GLIS3: variants seen among roughly 807,000 people sequenced by gnomAD.
GLIS3 encodes the protein GLIS family zinc finger 3.
Under a neutral mutation model 78.6 loss-of-function variants are expected in GLIS3, and 53 were observed. The observed-to-expected ratio is 0.67, with a 90% CI of 0.54 to 0.85. The LOEUF (loss-of-function observed/expected upper bound fraction) is 0.85. GLIS3 is among the 40% of genes least tolerant of loss of function. The pLI is 0.00. For missense variants in GLIS3, 1,703 were observed against 1,231.1 expected, an observed-to-expected ratio of 1.38 and a Z score of -5.74; for synonymous variants, 684 against 509.9, an observed-to-expected ratio of 1.34 and a Z score of -4.60.
At chr9:4,031,831 G>A (rs1478979702) in intron 4 of GLIS3, among the ~76,000 whole-genome samples, 1 of 152,068 alleles carries the variant, frequency 6.6e-6, no homozygotes, top group Non-Finnish European at 1.5e-5. Flanking sequence ...CTCTCTCTTT[G>A]GCGATACAAT....
intron 6 of GLIS3, among the ~76,000 whole-genome samples, chr9:3,902,927 G>C (rs1823419588): frequency 6.6e-6 from 1 of 152,232 alleles, no homozygotes; most frequent in Non-Finnish European, 1.5e-5. Context: ...CTAGTTAGCA[G>C]ATACTAGGAA....
At chr9:4,007,267 C>T (rs1432075316) in intron 4 of GLIS3, among the ~76,000 whole-genome samples, 1 of 151,972 alleles carries the variant, frequency 6.6e-6, no homozygotes, top group East Asian at 1.9e-4. Context: ...AGCAAAAAGC[C>T]CTGGCTGCCT....
intron 2 of GLIS3, among the ~76,000 whole-genome samples, chr9:4,196,456 T>C (rs967628026): frequency 6.6e-6 from 1 of 152,220 alleles, no homozygotes; most frequent in African/African-American, 2.4e-5. Flanking sequence ...ATCTTGCTGC[T>C]CCTCACTATT....
the GLIS3 span, among the ~76,000 whole-genome samples, chr9:4,398,148 A>C: frequency 6.6e-6 from 1 of 152,080 alleles, no homozygotes. Context: ...CAAGTGATTT[A>C]TCAGAATATT....
chr9:3,932,481 A>G lies in GLIS3; in HGVS notation c.1873-11T>C, dbSNP rs1484367280. On this transcript the variant is annotated splice_polypyrimidine_tract_variant and intron_variant, in intron 5 of 10. Transcript: ENST00000381971. ...ACAAGCATAAGGTTTCTAAATGAGA[A>G]AGAAAGAAAGAAACAGCTGTGGTTA... is the stretch of plus-strand genomic sequence containing the variant. 1.3e-6 allele frequency: 2 copies of G among 1,552,048 alleles called. No homozygotes were observed. The highest frequency in any genetic ancestry group is 1.8e-6 in the Non-Finnish European group (2 of 1,124,472).
At chr9:3,984,352 T>C (rs1164939824) in intron 4 of GLIS3, among the ~76,000 whole-genome samples, 2 of 152,186 alleles carry the variant, frequency 1.3e-5, no homozygotes, top group Non-Finnish European at 2.9e-5. Context: ...GGAACACACC[T>C]CTTGCATCAG....
At chr9:4,190,158 C>G (rs1818204263) in intron 2 of GLIS3, among the ~76,000 whole-genome samples, 1 of 152,196 alleles carries the variant, frequency 6.6e-6, no homozygotes, top group Non-Finnish European at 1.5e-5. Context: ...AGCTCCTCAC[C>G]AGCAACGGAA....
At chr9:4,186,006 T>TTTA (rs1222416423) in intron 2 of GLIS3, among the ~76,000 whole-genome samples, 1 of 151,980 alleles carries the variant, frequency 6.6e-6, no homozygotes, top group Non-Finnish European at 1.5e-5. Context: ...TAAATTTTAT[T>TTTA]TTATTATTAT....
At chr9:4,407,405 G>C in the GLIS3 span, among the ~76,000 whole-genome samples, 1 of 152,226 alleles carries the variant, frequency 6.6e-6, no homozygotes, top group African/African-American at 2.4e-5. Context: ...CAGCACTTCG[G>C]GAGGCCGAGG....
chr9:4,442,743 G>A, the GLIS3 span, among the ~76,000 whole-genome samples: 170 of 151,860 alleles, frequency 1.1e-3, no homozygotes, highest in African/African-American at 4.0e-3. Context: ...TTTACCATTA[G>A]ATTTCTTTAC....
At chr9:4,483,598 T>C in the GLIS3 span, among the ~76,000 whole-genome samples, 1 of 151,756 alleles carries the variant, frequency 6.6e-6, no homozygotes. Flanking sequence ...TGCACGCCTG[T>C]AATCCCAACT....
At chr9:4,435,526 A>C in the GLIS3 span, among the ~76,000 whole-genome samples, 1 of 152,214 alleles carries the variant, frequency 6.6e-6, no homozygotes, top group Non-Finnish European at 1.5e-5. Context: ...CATTTTACAA[A>C]GGTCCTTTGA....
intron 1 of GLIS3, among the ~76,000 whole-genome samples, chr9:4,287,561 G>A (rs1828109724): frequency 6.6e-6 from 1 of 152,192 alleles, no homozygotes; most frequent in Non-Finnish European, 1.5e-5. Flanking sequence ...CTGTCTTTCA[G>A]AGATGACAGT....
chr9:4,435,456 C>G, the GLIS3 span, among the ~76,000 whole-genome samples: 10 of 152,170 alleles, frequency 6.6e-5, no homozygotes, highest in African/African-American at 1.9e-4. Context: ...GCCTGCCAGA[C>G]CAATTCCCTT....
At chr9:4,448,536 T>G in the GLIS3 span, among the ~76,000 whole-genome samples, 1 of 152,262 alleles carries the variant, frequency 6.6e-6, no homozygotes, top group Non-Finnish European at 1.5e-5. Context: ...TTCTGCACAT[T>G]GTTGTTGTCA....
intron 4 of GLIS3, among the ~76,000 whole-genome samples, chr9:4,032,533 G>A (rs958894754): frequency 6.6e-6 from 1 of 152,028 alleles, no homozygotes; most frequent in Non-Finnish European, 1.5e-5. Context: ...TGGCAGAATG[G>A]CTCATAAAAC....
intron 2 of GLIS3, among the ~76,000 whole-genome samples, chr9:4,343,891 A>G (rs2130589410): frequency 6.6e-6 from 1 of 152,224 alleles, no homozygotes; most frequent in South Asian, 2.1e-4. Context: ...AAAGAAGGAA[A>G]CAATACACAC....
At chr9:4,466,657 T>G in the GLIS3 span, among the ~76,000 whole-genome samples, 975 of 152,188 alleles carry the variant, frequency 6.4e-3, 10 homozygotes, top group African/African-American at 0.022. Context: ...TAGAGAGAAC[T>G]AGGTGGAGGT....
chr9:4,376,411 G>C, the GLIS3 span, among the ~76,000 whole-genome samples: 17 of 137,556 alleles, frequency 1.2e-4, 2 homozygotes, highest in Non-Finnish European at 1.2e-4. Context: ...TTAAAAAGTA[G>C]AATCTATATG....
Sources: allele counts gnomAD v4.1 joint callset (sites outside exome capture counted in the v4.1 genomes callset), GRCh38; gene constraint gnomAD v4.1.1; transcripts MANE v1.5; gene names NCBI Gene and HGNC (gene_info 2026-07-23, HGNC 2026-07-21).